FN3KRP: variants seen among roughly 807,000 people sequenced by gnomAD.
The protein encoded by FN3KRP is fructosamine 3 kinase related protein.
Under a neutral mutation model 29.8 loss-of-function variants are expected in FN3KRP, and 33 were observed. That is an observed-to-expected ratio of 1.11 (90% confidence interval 0.84 to 1.48). The LOEUF is 1.48. Ranked by LOEUF, FN3KRP falls within the 40% of genes most tolerant of loss-of-function variation. The pLI is 0.00. For missense variants in FN3KRP, 430 were observed against 402.6 expected (o/e 1.07, Z -0.58); for synonymous variants, 157 against 155.2 (o/e 1.01, Z -0.09).
At chr17:82,718,302 G>T in intron 1 of FN3KRP, 1 of 529,974 alleles carries the variant, frequency 1.9e-6, no homozygotes, top group Non-Finnish European at 2.3e-6. Flanking sequence ...TCTACTCTAG[G>T]GATCACTGCT....
intron 1 of FN3KRP, chr17:82,718,673 C>A (rs2046776786): frequency 1.6e-6 from 2 of 1,264,352 alleles, no homozygotes; most frequent in African/African-American, 1.5e-5. Context: ...CCACAGCACA[C>A]AAGTGTAGTC....
intron 4 of FN3KRP, among the ~76,000 whole-genome samples, chr17:82,723,614 T>TGTGCATATGTGTATGTGTGCAC (rs1293713046): frequency 5.9e-5 from 9 of 152,026 alleles, no homozygotes; most frequent in Non-Finnish European, 1.3e-4. Flanking sequence ...TGCACGCATG[T>TGTGCATATGTGTATGTGTGCAC]GTGCATATGT....
chr17:82,726,740 C>G, intron 5 of FN3KRP, 93 bp from the exon 6 acceptor site: 1 of 1,497,228 alleles, frequency 6.7e-7, no homozygotes, highest in Non-Finnish European at 9.0e-7. Context: ...GTGCTATCCG[C>G]TGCTGCCTGG....
chr17:82,726,676 C>T, intron 5 of FN3KRP, 74 bp downstream of exon 5: 1 of 1,547,482 alleles, frequency 6.5e-7, no homozygotes, highest in Non-Finnish European at 8.7e-7. Flanking sequence ...GGCACCAAGG[C>T]AGGTGAGGCC....
At chr17:82,719,301 T>A in intron 2 of FN3KRP, among the ~76,000 whole-genome samples, 1 of 152,264 alleles carries the variant, frequency 6.6e-6, no homozygotes, top group East Asian at 1.9e-4. Context: ...CAAGTGGTTC[T>A]CTGATGACTG....
In FN3KRP at chr17:82,716,911, C is replaced by T; in HGVS notation, c.141+15C>T. ...CCAAGGCGGAGGTCAGGCAGCGGGTCGGGCGGGCCGGGGGACCGGTTTCTT... is the reference window on the plus strand; with the variant it reads ...CCAAGGCGGAGGTCAGGCAGCGGGTTGGGCGGGCCGGGGGACCGGTTTCTT... On this transcript the variant is annotated intron_variant, in intron 1 of 5. Transcript: ENST00000269373. 4 of 1,182,240 alleles carry T rather than the reference C, an allele frequency of 3.4e-6. No individual in the cohort carries two copies. The highest frequency in any genetic ancestry group is 4.9e-6 in the Non-Finnish European group (4 of 821,154). The allele number at this position is 1,182,240 out of a possible 1,614,324, so 73.2% of individuals were successfully genotyped here.
chr17:82,722,947 G>GTGTCCCCCCAACCCGTGT, intron 4 of FN3KRP, 61 bp downstream of exon 4: 1 of 1,431,076 alleles, frequency 7.0e-7, no homozygotes, highest in Non-Finnish European at 9.7e-7. Context: ...CACACGGGTT[G>GTGTCCCCCCAACCCGTGT]GGGGGACACA....
Position 82,723,730 on chromosome 17 carries a change from G to C in FN3KRP, c.468+844G>C, listed in dbSNP as rs572096185. 3.9e-4 allele frequency among the ~76,000 whole-genome samples: 60 copies of C among 152,246 alleles called. No individual in the cohort carries two copies. In the East Asian group the frequency reaches 8.3e-3, roughly 21 times the overall value. On this transcript the variant is annotated intron_variant, in intron 4 of 5. Transcript: ENST00000269373. ...GTGCCTGATGCATGATGTTGGCGTC[G>C]TGTGCTACTCCAGTCGTGTGTGTCT...
intron 3 of FN3KRP, 40 bp downstream of exon 3, chr17:82,720,403 G>T (rs746462807): frequency 1.9e-6 from 3 of 1,543,558 alleles, no homozygotes; most frequent in Non-Finnish European, 2.7e-6. Context: ...CCGCCTAGAG[G>T]AGGACGTTCA....
chr17:82,719,477 G>C (rs562177767), intron 2 of FN3KRP, among the ~76,000 whole-genome samples: 2 of 152,348 alleles, frequency 1.3e-5, no homozygotes, highest in African/African-American at 4.8e-5. Flanking sequence ...GCTGCACGCC[G>C]GCCGCGGTGG....
In FN3KRP at chr17:82,726,833, T is replaced by G. The variant is rs771358908; in HGVS notation, c.592T>G (p.Leu198Val). ...EALQLWSALQ[L>V]KIPDLFRDLE... ...TGAGGCTCCATTTTCCTCCCTGCAG[T>G]TAAAGATCCCTGACCTGTTCCGTGA... The change falls in exon 6 of 6, where the codon TTA (leucine) becomes GTA (valine). Residue 198 changes from leucine to valine, a missense_variant and splice_region_variant. Coordinates refer to ENST00000269373, the MANE Select transcript of FN3KRP (RefSeq NM_024619.4). 4.6e-6 allele frequency: 7 copies of G among 1,527,002 alleles called. No individual in the cohort carries two copies. In the South Asian group the frequency reaches 7.9e-5, roughly 17 times the overall value. 94.6% of individuals were successfully genotyped at this position (1,527,002 alleles called of 1,614,324 possible).
chr17:82,719,582 C>T (rs1442744530), intron 2 of FN3KRP, among the ~76,000 whole-genome samples: 1 of 152,058 alleles, frequency 6.6e-6, no homozygotes, highest in Admixed American at 6.6e-5. Flanking sequence ...TGGTGAAACC[C>T]CATGTCTACC....
At chr17:82,719,148 C>T (rs966992446) in intron 2 of FN3KRP, 91 bp downstream of exon 2, 2 of 1,225,132 alleles carry the variant, frequency 1.6e-6, no homozygotes, top group Non-Finnish European at 2.3e-6. Context: ...TCACACCACC[C>T]ACTGGCTGGC....
chr17:82,722,337 G>A (rs2046803791), intron 3 of FN3KRP, among the ~76,000 whole-genome samples: 1 of 152,232 alleles, frequency 6.6e-6, no homozygotes, highest in Non-Finnish European at 1.5e-5. Context: ...GTTTCACCAC[G>A]TTGGGCAGGC....
At chr17:82,720,395 G>A (rs368761106) in intron 3 of FN3KRP, 32 bp downstream of exon 3, 28 of 1,560,256 alleles carry the variant, frequency 1.8e-5, no homozygotes, top group African/African-American at 2.7e-5. Context: ...GGGTGCTCCC[G>A]CCTAGAGGAG....
intron 1 of FN3KRP, 24 bp downstream of exon 1, chr17:82,716,920 C>T (rs541534059): frequency 1.5e-5 from 16 of 1,050,594 alleles, no homozygotes; most frequent in Middle Eastern, 2.1e-4. Context: ...TCGGGCGGGC[C>T]GGGGGACCGG....
intron 4 of FN3KRP, among the ~76,000 whole-genome samples, chr17:82,723,578 T>C (rs963486786): frequency 6.6e-6 from 1 of 151,962 alleles, no homozygotes; most frequent in Non-Finnish European, 1.5e-5. Flanking sequence ...TGTGTGCATG[T>C]GTGTGCATAT....
chr17:82,718,717 T>C, intron 1 of FN3KRP, 189 bp from the exon 2 acceptor site: 1 of 1,222,882 alleles, frequency 8.2e-7, no homozygotes, highest in South Asian at 1.6e-5. Flanking sequence ...CTTCTTCCAG[T>C]ACAGCCTCTG....
intron 1 of FN3KRP, among the ~76,000 whole-genome samples, chr17:82,717,658 G>T (rs1440700947): frequency 2.6e-5 from 4 of 152,236 alleles, no homozygotes; most frequent in African/African-American, 4.8e-5. Context: ...GGCAGAGGTT[G>T]CAGTGAGTCG....
Sources: allele counts gnomAD v4.1 joint callset (sites outside exome capture counted in the v4.1 genomes callset), GRCh38; gene constraint gnomAD v4.1.1; transcripts MANE v1.5; gene names NCBI Gene and HGNC (gene_info 2026-07-23, HGNC 2026-07-21).